The following PDE1C variants were observed in gnomAD, a reference collection of about 807,000 sequenced individuals.
PDE1C encodes dual specificity calcium/calmodulin-dependent 3',5'-cyclic nucleotide phosphodiesterase 1C.
PDE1C carries 62 observed loss-of-function variants against 93.1 expected under a neutral mutation model. The ratio of observed to expected loss-of-function variants is 0.67; its 90% CI spans 0.54 to 0.82. The LOEUF is 0.82. Ranked by LOEUF, PDE1C falls within the 40% of genes least tolerant of loss-of-function variation. PDE1C has a pLI of 0.00. For synonymous variants in PDE1C, 325 were observed against 310.1 expected, an observed-to-expected ratio of 1.05 and a Z score of -0.50; for missense variants, 742 against 884.6, an observed-to-expected ratio of 0.84 and a Z score of 2.04.
In PDE1C at chr7:31,866,312, T is replaced by C. The variant is rs142431601; in HGVS notation, c.610-1230A>G. Among the ~76,000 whole-genome samples, 301 of 152,350 alleles carry C rather than the reference T, an allele frequency of 2.0e-3. 1 individual carries two copies. The highest frequency in any genetic ancestry group is 6.9e-3 in the African/African-American group (287 of 41,586). ...TTACCATTTGCAGAATTTTAAAAATTAAAATACAACCTTTAAGAGGTCAGA... is the reference window on the plus strand; with the variant it reads ...TTACCATTTGCAGAATTTTAAAAATCAAAATACAACCTTTAAGAGGTCAGA... On this transcript the variant is annotated intron_variant, in intron 6 of 17. Transcript: ENST00000396191.
At chr7:32,250,895 G>T (rs1165992979) in intron 1 of PDE1C, among the ~76,000 whole-genome samples, 2 of 152,232 alleles carry the variant, frequency 1.3e-5, no homozygotes, top group Admixed American at 1.3e-4. Flanking sequence ...CCTGTCATGG[G>T]CTTGCATTTC....
the PDE1C span, chr7:31,658,215 C>G: frequency 1.4e-6 from 2 of 1,432,510 alleles, no homozygotes; most frequent in Non-Finnish European, 1.8e-6. Flanking sequence ...CAGAAGAACA[C>G]TTCCCAGAAA....
intron 3 of PDE1C, among the ~76,000 whole-genome samples, chr7:32,082,173 T>C (rs1452695305): frequency 6.6e-6 from 1 of 152,260 alleles, no homozygotes; most frequent in Non-Finnish European, 1.5e-5. Flanking sequence ...AATGCGCTTT[T>C]CCGACGGGCT....
chr7:32,031,900 G>A (rs553079466), intron 2 of PDE1C, among the ~76,000 whole-genome samples: 12 of 152,228 alleles, frequency 7.9e-5, no homozygotes, highest in African/African-American at 1.9e-4. Context: ...GGTTTGTACC[G>A]CAGGAGAAGT....
intron 3 of PDE1C, among the ~76,000 whole-genome samples, chr7:32,129,849 T>C (rs2128770637): frequency 6.6e-6 from 1 of 152,250 alleles, no homozygotes; most frequent in East Asian, 1.9e-4. Context: ...TTCCAATGAC[T>C]CTGTTATCTC....
At chr7:31,719,435 A>G in the PDE1C span, among the ~76,000 whole-genome samples, 4 of 152,222 alleles carry the variant, frequency 2.6e-5, no homozygotes, top group African/African-American at 9.6e-5. Flanking sequence ...GGAAATTCAA[A>G]AAAGGATTTT....
intron 15 of PDE1C, among the ~76,000 whole-genome samples, chr7:31,815,646 T>TA (rs1562852071): frequency 6.6e-6 from 1 of 152,042 alleles, no homozygotes; most frequent in Non-Finnish European, 1.5e-5. Context: ...ATGGTAATTT[T>TA]CCCCCAGCTG....
chr7:32,302,424 C>G (rs1221608100), upstream of PDE1C, among the ~76,000 whole-genome samples: 1 of 152,152 alleles, frequency 6.6e-6, no homozygotes, highest in African/African-American at 2.4e-5. Flanking sequence ...AATGTGTGAT[C>G]CTGACTTCAC....
intron 2 of PDE1C, among the ~76,000 whole-genome samples, chr7:31,930,106 A>C (rs1405603621): frequency 6.6e-6 from 1 of 152,206 alleles, no homozygotes; most frequent in Non-Finnish European, 1.5e-5. Context: ...CAGAAATACA[A>C]ACTACCATTA....
At position 32,399,539 on chromosome 7, in the gene PDE1C, C is replaced by T. The variant is rs1278678736; in HGVS notation, c.310+28283G>A. Among the ~76,000 whole-genome samples, 4 of 150,280 alleles carry T rather than the reference C, an allele frequency of 2.7e-5. No individual in the cohort carries two copies. The East Asian group carries it at 7.9e-4, about 30-fold the overall frequency. ...TGCTCATCCTCGTCTTATAAGGCCACAGTCTTATTGGTTCAGGGATCCACC... is the reference window on the plus strand; with the variant it reads ...TGCTCATCCTCGTCTTATAAGGCCATAGTCTTATTGGTTCAGGGATCCACC... On this transcript the variant is annotated intron_variant, in intron 1 of 1. Coordinates refer to the PDE1C transcript ENST00000672256.
At chr7:31,994,148 A>T (rs1326988728) in intron 2 of PDE1C, among the ~76,000 whole-genome samples, 2 of 152,164 alleles carry the variant, frequency 1.3e-5, no homozygotes, top group Non-Finnish European at 2.9e-5. Flanking sequence ...CAAAGCAACA[A>T]TCACAATGTG....
intron 3 of PDE1C, among the ~76,000 whole-genome samples, chr7:32,085,568 C>G (rs1446351967): frequency 1.4e-5 from 2 of 147,616 alleles, no homozygotes; most frequent in Non-Finnish European, 3.0e-5. Flanking sequence ...AATTTTAGAC[C>G]AATATCCTTG....
At chr7:32,262,390 A>G (rs1161426765) in intron 1 of PDE1C, among the ~76,000 whole-genome samples, 2 of 152,078 alleles carry the variant, frequency 1.3e-5, no homozygotes. Flanking sequence ...TTTGAAGGAG[A>G]GAAAGGAGAC....
At chr7:32,206,972 C>T (rs556249404) in intron 2 of PDE1C, among the ~76,000 whole-genome samples, 1 of 152,212 alleles carries the variant, frequency 6.6e-6, no homozygotes, top group African/African-American at 2.4e-5. Flanking sequence ...TCTTCCCTAA[C>T]CCTCACTTCT....
intron 1 of PDE1C, among the ~76,000 whole-genome samples, chr7:32,297,996 TCCTCTCTCTCTCTCTCTCTCC>T (rs1562660150): frequency 0.097 from 2,638 of 27,266 alleles, 428 homozygotes; most frequent in South Asian, 0.14. Flanking sequence ...TCTCTCTCTC[TCCTCTCTCTCTCTCTCTCTCC>T]CTCTCTCTCT....
At chr7:32,412,691 G>A (rs1293161910) in intron 1 of PDE1C, among the ~76,000 whole-genome samples, 1 of 50,204 alleles carries the variant, frequency 2.0e-5, no homozygotes, top group Non-Finnish European at 3.7e-5. Context: ...TACATATGCA[G>A]TCCATCATTG....
At chr7:32,069,805 T>G (rs1203080580) in intron 1 of PDE1C, among the ~76,000 whole-genome samples, 1 of 152,084 alleles carries the variant, frequency 6.6e-6, no homozygotes, top group African/African-American at 2.4e-5. Context: ...CCAGGAAATA[T>G]CAGAAGTTCG....
the PDE1C span, among the ~76,000 whole-genome samples, chr7:31,683,973 C>T: frequency 1.3e-5 from 2 of 152,176 alleles, no homozygotes; most frequent in Non-Finnish European, 2.9e-5. Flanking sequence ...ACAAATCATG[C>T]CATGGACACA....
At chr7:31,818,178 T>C (rs1234718809) in intron 14 of PDE1C, among the ~76,000 whole-genome samples, 1 of 152,202 alleles carries the variant, frequency 6.6e-6, no homozygotes, top group Non-Finnish European at 1.5e-5. Context: ...TAATTTACAT[T>C]GAAAAGGTGA....
Sources: allele counts gnomAD v4.1 joint callset (sites outside exome capture counted in the v4.1 genomes callset), GRCh38; gene constraint gnomAD v4.1.1; transcripts MANE v1.5; gene names NCBI Gene and HGNC (gene_info 2026-07-23, HGNC 2026-07-21).